The following GLIS1 variants were observed in gnomAD, a reference collection of about 807,000 sequenced individuals.
GLIS1 encodes the protein GLIS family zinc finger 1.
A neutral mutation model predicts 63.8 loss-of-function variants in GLIS1; 24 were observed. The observed-to-expected ratio is 0.38, with a 90% CI of 0.27 to 0.53. GLIS1 has a LOEUF of 0.53. GLIS1 is among the 20% of genes least tolerant of loss of function. The pLI, the probability that GLIS1 is intolerant of heterozygous loss-of-function variation, is 0.85. For synonymous variants in GLIS1, 450 were observed against 482.5 expected (o/e 0.93, Z 0.88); for missense variants, 1,036 against 1,074.1 (o/e 0.96, Z 0.50).
chr1:53,586,837 CAG>C (rs1645141269), intron 4 of GLIS1, among the ~76,000 whole-genome samples: 1 of 152,162 alleles, frequency 6.6e-6, no homozygotes, highest in Non-Finnish European at 1.5e-5. Flanking sequence ...AGCCTTGGAA[CAG>C]AGAGAACAGA....
At chr1:53,530,634 T>C (rs1262375015) in intron 4 of GLIS1, among the ~76,000 whole-genome samples, 1 of 152,164 alleles carries the variant, frequency 6.6e-6, no homozygotes, top group Admixed American at 6.5e-5. Flanking sequence ...GCCCACCCAA[T>C]GCCCTAGATC....
chr1:53,652,948 C>T, intron 2 of GLIS1, among the ~76,000 whole-genome samples: 1 of 152,210 alleles, frequency 6.6e-6, no homozygotes, highest in Non-Finnish European at 1.5e-5. Flanking sequence ...GAAAGCAACT[C>T]CTGCCCAGGG....
At chr1:53,601,931 G>A (rs528369303) in intron 2 of GLIS1, among the ~76,000 whole-genome samples, 1 of 152,308 alleles carries the variant, frequency 6.6e-6, no homozygotes, top group African/African-American at 2.4e-5. Context: ...GCATTTGCTT[G>A]CCGAGCACGT....
intron 2 of GLIS1, among the ~76,000 whole-genome samples, chr1:53,704,537 T>C (rs1370436471): frequency 1.4e-5 from 2 of 147,282 alleles, no homozygotes; most frequent in African/African-American, 5.1e-5. Context: ...AGATGAACAG[T>C]GGTGAGGAAG....
Position 53,598,534 on chromosome 1 carries a change from CAA to C in GLIS1, c.437+1565_437+1566del, listed in dbSNP as rs1236459041. 2.9e-5 allele frequency among the ~76,000 whole-genome samples: 4 copies of C among 138,444 alleles called. No individual in the cohort carries two copies. Among genetic ancestry groups the C allele is most frequent in the African/African-American group, 5.3e-5 (2 of 37,638 alleles). 90.8% of individuals were successfully genotyped at this position (138,444 alleles called of 152,430 possible). A position where few individuals can be genotyped will look rare whatever the true frequency, so the allele number is the denominator to read the frequency against. ...TGGGTGACAGAGTCAGACCCTGTCT[CAA>C]AAAAAAAAAAGGAGGAATTAGGGCA... On this transcript the variant is annotated intron_variant, in intron 3 of 10. Coordinates refer to ENST00000628545, the MANE Select transcript of GLIS1 (RefSeq NM_001367484.1). The surrounding 1 kb of genome is among the most constrained non-coding windows in gnomAD (Gnocchi z 4.6).
At chr1:53,519,722 G>A (rs906906234) in intron 7 of GLIS1, among the ~76,000 whole-genome samples, 1 of 152,174 alleles carries the variant, frequency 6.6e-6, no homozygotes, top group Non-Finnish European at 1.5e-5. Context: ...TCTGGTTGGA[G>A]GGGCCCGCAG....
chr1:53,538,513 C>CCGAG (rs1473296652), intron 4 of GLIS1, among the ~76,000 whole-genome samples: 1 of 152,168 alleles, frequency 6.6e-6, no homozygotes, highest in East Asian at 1.9e-4. Context: ...ACCTCCAGTG[C>CCGAG]CGAGGTCTGT....
intron 2 of GLIS1, among the ~76,000 whole-genome samples, chr1:53,625,681 T>G (rs184852044): frequency 2.6e-3 from 393 of 152,316 alleles, no homozygotes; most frequent in African/African-American, 9.2e-3. Flanking sequence ...GCCCTGATGC[T>G]TTGTAAGGAA....
chr1:53,537,474 A>G (rs1644592595), intron 4 of GLIS1, among the ~76,000 whole-genome samples: 1 of 152,238 alleles, frequency 6.6e-6, no homozygotes, highest in South Asian at 2.1e-4. Context: ...AAATCAAGTC[A>G]CGCAAACAGA....
intron 2 of GLIS1, among the ~76,000 whole-genome samples, chr1:53,640,339 C>T (rs1557496577): frequency 6.6e-6 from 1 of 152,054 alleles, no homozygotes; most frequent in African/African-American, 2.4e-5. Flanking sequence ...GGTTTGACTC[C>T]TTTTGGTTGT....
At chr1:53,619,826 A>G (rs1278146150) in intron 2 of GLIS1, among the ~76,000 whole-genome samples, 1 of 152,162 alleles carries the variant, frequency 6.6e-6, no homozygotes, top group Non-Finnish European at 1.5e-5. Flanking sequence ...TTTACATAAG[A>G]GGGAGACTGA....
chr1:53,506,322 T>C lies in GLIS1; in HGVS notation c.*297A>G, dbSNP rs1387621466. ...AACGGAAAACAAGTTCTGCATATTT[T>C]ATATACACGAGGTCTGTGATTTCAA... On this transcript the variant is annotated 3_prime_UTR_variant, in exon 11 of 11. Coordinates refer to ENST00000628545, the MANE Select transcript of GLIS1 (RefSeq NM_001367484.1). The C allele has an allele frequency of 7.6e-6, 3 of 392,812 alleles. No individual in the cohort carries two copies. Among genetic ancestry groups the C allele is most frequent in the Non-Finnish European group, 4.6e-6 (1 of 218,964 alleles). The allele number at this position is 392,812 out of a possible 1,614,324, so 24.3% of individuals were successfully genotyped here.
chr1:53,622,427 C>CAAAAAAA (rs60923620), intron 2 of GLIS1, among the ~76,000 whole-genome samples: 90 of 132,242 alleles, frequency 6.8e-4, no homozygotes, highest in Non-Finnish European at 7.9e-4. Flanking sequence ...GACTATGTCT[C>CAAAAAAA]AAAAAAAAAA....
chr1:53,559,931 T>C (rs533614764), intron 4 of GLIS1, among the ~76,000 whole-genome samples: 1 of 152,152 alleles, frequency 6.6e-6, no homozygotes, highest in East Asian at 1.9e-4. Context: ...CACAGCCCCC[T>C]ACCTCTGCCC....
intron 2 of GLIS1, among the ~76,000 whole-genome samples, chr1:53,618,197 AC>A (rs2100589695): frequency 6.6e-6 from 1 of 152,306 alleles, no homozygotes; most frequent in Non-Finnish European, 1.5e-5. Context: ...CACCTCCCCA[AC>A]CCTTGCCCAT....
intron 2 of GLIS1, among the ~76,000 whole-genome samples, chr1:53,722,600 G>C (rs1349730333): frequency 6.6e-6 from 1 of 152,098 alleles, no homozygotes; most frequent in Admixed American, 6.5e-5. Context: ...CAACACTTTG[G>C]GAAGCCGAGG....
rs117969858 is a variant in GLIS1 at position 53,509,328 on chromosome 1, A to G, written c.2063-41T>C. 748 of 1,514,396 alleles carry G rather than the reference A, an allele frequency of 4.9e-4. 7 individuals carry two copies. The East Asian group carries it at 0.014, about 27-fold the overall frequency. 93.8% of individuals were successfully genotyped at this position (1,514,396 alleles called of 1,614,324 possible). On this transcript the variant is annotated intron_variant, in intron 9 of 10. Transcript: ENST00000628545. ...GCAGGGGCCGCGTTCACAAAGGAGA[A>G]GTGCCCAGGGCAGGGAGGGGAACAT... is the stretch of plus-strand genomic sequence containing the variant.
intron 8 of GLIS1, among the ~76,000 whole-genome samples, chr1:53,513,793 T>A (rs1644321581): frequency 1.3e-5 from 2 of 152,110 alleles, no homozygotes; most frequent in African/African-American, 4.8e-5. Context: ...AGCCCAGTAA[T>A]AATAGGAGCA....
intron 2 of GLIS1, among the ~76,000 whole-genome samples, chr1:53,660,956 T>C (rs1443065023): frequency 1.3e-5 from 2 of 152,072 alleles, no homozygotes; most frequent in Non-Finnish European, 2.9e-5. Flanking sequence ...CCATGCAGGA[T>C]GGGATGTGTG....
Sources: allele counts gnomAD v4.1 joint callset (sites outside exome capture counted in the v4.1 genomes callset), GRCh38; gene constraint gnomAD v4.1.1; non-coding constraint Gnocchi (gnomAD v3.1); transcripts MANE v1.5; gene names NCBI Gene and HGNC (gene_info 2026-07-23, HGNC 2026-07-21).